GLIS3: variants seen among roughly 807,000 people sequenced by gnomAD.
GLIS3 encodes the protein zinc finger protein GLIS3.
GLIS3 carries 53 observed loss-of-function variants against 78.6 expected under a neutral mutation model. The observed-to-expected ratio is 0.67, with a 90% confidence interval of 0.54 to 0.85. GLIS3 has a LOEUF of 0.85. Among genes scored for constraint, GLIS3 ranks in the 40% least tolerant of loss-of-function variants. GLIS3 has a pLI of 0.00. For missense variants in GLIS3, 1,703 were observed against 1,231.1 expected (o/e 1.38, Z -5.74); for synonymous variants, 684 against 509.9 (o/e 1.34, Z -4.60).
chr9:4,259,140 A>G (rs1279798660), intron 2 of GLIS3, among the ~76,000 whole-genome samples: 1 of 152,170 alleles, frequency 6.6e-6, no homozygotes, highest in African/African-American at 2.4e-5. Flanking sequence ...TTGCAAGATG[A>G]ACATTTTTAG....
intron 2 of GLIS3, among the ~76,000 whole-genome samples, chr9:4,260,178 A>G (rs1428524360): frequency 6.6e-6 from 1 of 152,208 alleles, no homozygotes; most frequent in Non-Finnish European, 1.5e-5. Context: ...ATGGCCTGTA[A>G]TCTTAGCACT....
the GLIS3 span, among the ~76,000 whole-genome samples, chr9:4,458,894 G>C: frequency 3.3e-5 from 5 of 152,288 alleles, no homozygotes; most frequent in South Asian, 1.0e-3. Context: ...CATGTTCAAA[G>C]ACAAGCAAGG....
chr9:4,407,289 A>G, the GLIS3 span, among the ~76,000 whole-genome samples: 3 of 152,238 alleles, frequency 2.0e-5, no homozygotes, highest in East Asian at 1.9e-4. Flanking sequence ...TACAAAAATC[A>G]AATCAAAATA....
chr9:4,268,731 G>T (rs4741931), intron 2 of GLIS3, among the ~76,000 whole-genome samples: 61,224 of 151,924 alleles, frequency 0.4, 12,579 homozygotes, highest in African/African-American at 0.46. Context: ...CACACTTGTT[G>T]ATTTGATTCT....
At chr9:4,044,592 G>GTGAC (rs1422469728) in intron 4 of GLIS3, among the ~76,000 whole-genome samples, 2 of 152,308 alleles carry the variant, frequency 1.3e-5, no homozygotes, top group East Asian at 3.9e-4. Context: ...AGCACATGGA[G>GTGAC]TGACTGTCTT....
At chr9:4,155,896 G>A (rs1395329266) in intron 2 of GLIS3, among the ~76,000 whole-genome samples, 1 of 152,196 alleles carries the variant, frequency 6.6e-6, no homozygotes, top group Non-Finnish European at 1.5e-5. Flanking sequence ...GGGAACCACT[G>A]CTCAAGATCA....
chr9:4,240,166 A>C (rs1199042860), intron 2 of GLIS3, among the ~76,000 whole-genome samples: 1 of 129,786 alleles, frequency 7.7e-6, no homozygotes, highest in African/African-American at 3.0e-5. Flanking sequence ...GTTTCATGGA[A>C]GACAATTTTT....
At chr9:4,343,063 G>A (rs547576527) in intron 2 of GLIS3, among the ~76,000 whole-genome samples, 4 of 152,332 alleles carry the variant, frequency 2.6e-5, no homozygotes, top group African/African-American at 9.6e-5. Context: ...TGAGGCCCAG[G>A]CATGGTGGCT....
chr9:4,171,567 G>C (rs1015716238), intron 2 of GLIS3, among the ~76,000 whole-genome samples: 1 of 152,136 alleles, frequency 6.6e-6, no homozygotes, highest in Non-Finnish European at 1.5e-5. Flanking sequence ...GGTTGATTTC[G>C]TTAAAGGATT....
At chr9:4,414,292 C>A in the GLIS3 span, among the ~76,000 whole-genome samples, 1 of 152,206 alleles carries the variant, frequency 6.6e-6, no homozygotes, top group African/African-American at 2.4e-5. Flanking sequence ...AAATGGAAGA[C>A]ATGGCAAAAC....
At chr9:4,283,496 C>T (rs1490349144) in intron 2 of GLIS3, among the ~76,000 whole-genome samples, 1 of 152,102 alleles carries the variant, frequency 6.6e-6, no homozygotes, top group Non-Finnish European at 1.5e-5. Flanking sequence ...AAACTCCTGA[C>T]CTCAAATGAT....
intron 4 of GLIS3, among the ~76,000 whole-genome samples, chr9:3,975,582 G>C (rs1355421190): frequency 6.8e-6 from 1 of 146,058 alleles, no homozygotes; most frequent in Non-Finnish European, 1.5e-5. Flanking sequence ...TTTTTTTTGA[G>C]AAGCAAAAAG....
intron 2 of GLIS3, among the ~76,000 whole-genome samples, chr9:4,199,050 T>C (rs1819124327): frequency 6.6e-6 from 1 of 152,160 alleles, no homozygotes; most frequent in African/African-American, 2.4e-5. Context: ...TCTTACAAGA[T>C]AACCATAAGA....
chr9:4,489,306 A>C, the GLIS3 span, among the ~76,000 whole-genome samples: 1 of 152,206 alleles, frequency 6.6e-6, no homozygotes, highest in Non-Finnish European at 1.5e-5. Context: ...TGTAAATCTT[A>C]ATCTATTATC....
chr9:4,454,249 C>A, the GLIS3 span, among the ~76,000 whole-genome samples: 1 of 152,048 alleles, frequency 6.6e-6, no homozygotes, highest in African/African-American at 2.4e-5. Flanking sequence ...AAGGGATCCT[C>A]CTGCCTTGGC....
chr9:3,859,132 C>G (rs1423679176), intron 8 of GLIS3, among the ~76,000 whole-genome samples: 1 of 152,120 alleles, frequency 6.6e-6, no homozygotes, highest in Non-Finnish European at 1.5e-5. Context: ...CAACTCTTCT[C>G]TCAGCAAGAG....
intron 4 of GLIS3, among the ~76,000 whole-genome samples, chr9:4,065,393 C>G (rs1320896864): frequency 6.6e-6 from 1 of 152,194 alleles, no homozygotes; most frequent in Admixed American, 6.5e-5. Context: ...GTATAAAGAC[C>G]TTCACTTTTT....
At chr9:4,403,165 A>C in the GLIS3 span, among the ~76,000 whole-genome samples, 99 of 152,314 alleles carry the variant, frequency 6.5e-4, no homozygotes, top group Non-Finnish European at 1.3e-3. Flanking sequence ...GAATGGCATG[A>C]CATATTTAAA....
intron 4 of GLIS3, among the ~76,000 whole-genome samples, chr9:3,960,201 G>C (rs2130878773): frequency 6.6e-6 from 1 of 152,288 alleles, no homozygotes; most frequent in Non-Finnish European, 1.5e-5. Flanking sequence ...TGAAATTACA[G>C]GGAGAACACT....
Sources: allele counts gnomAD v4.1 joint callset (sites outside exome capture counted in the v4.1 genomes callset), GRCh38; gene constraint gnomAD v4.1.1; transcripts MANE v1.5; gene names NCBI Gene and HGNC (gene_info 2026-07-23, HGNC 2026-07-21).